Variants in SLC24A2 observed in about 807,000 individuals in gnomAD.
SLC24A2 encodes sodium/potassium/calcium exchanger 2.
Under a neutral mutation model 62.0 loss-of-function variants are expected in SLC24A2, and 36 were observed. The observed-to-expected ratio is 0.58, with a 90% CI of 0.44 to 0.77. The LOEUF (loss-of-function observed/expected upper bound fraction) is 0.77, where lower values mean the gene tolerates loss of function less well. SLC24A2 is among the 30% of genes least tolerant of loss of function. SLC24A2 has a pLI of 0.00. For synonymous variants in SLC24A2, 358 were observed against 294.0 expected, an observed-to-expected ratio of 1.22 and a Z score of -2.23; for missense variants, 846 against 817.9, an observed-to-expected ratio of 1.03 and a Z score of -0.42.
At chr9:20,213,694 T>C in the SLC24A2 span, among the ~76,000 whole-genome samples, 2 of 152,154 alleles carry the variant, frequency 1.3e-5, no homozygotes, top group African/African-American at 4.8e-5. Flanking sequence ...AAGTGAACAA[T>C]ATTCTCAAAA....
the SLC24A2 span, among the ~76,000 whole-genome samples, chr9:20,053,543 T>A: frequency 6.6e-6 from 1 of 152,154 alleles, no homozygotes; most frequent in Non-Finnish European, 1.5e-5. Flanking sequence ...TGAAAATTCA[T>A]ATGTTGAAAC....
At chr9:19,751,386 A>G (rs554641377) in intron 2 of SLC24A2, among the ~76,000 whole-genome samples, 29 of 152,310 alleles carry the variant, frequency 1.9e-4, no homozygotes, top group African/African-American at 7.0e-4. Flanking sequence ...CCTACAAAGT[A>G]GAAGCACCTG....
At chr9:19,539,552 G>C (rs1425014325) in intron 8 of SLC24A2, among the ~76,000 whole-genome samples, 2 of 127,272 alleles carry the variant, frequency 1.6e-5, no homozygotes, top group Non-Finnish European at 3.3e-5. Context: ...TAGTTTGATT[G>C]CACTGTGGTC....
At chr9:20,025,183 A>C in the SLC24A2 span, among the ~76,000 whole-genome samples, 36 of 152,258 alleles carry the variant, frequency 2.4e-4, no homozygotes, top group East Asian at 6.0e-3. Flanking sequence ...TGACTCACTA[A>C]ATTAATTTTA....
chr9:19,850,242 C>T, the SLC24A2 span, among the ~76,000 whole-genome samples: 24 of 152,022 alleles, frequency 1.6e-4, no homozygotes, highest in African/African-American at 5.3e-4. Flanking sequence ...TTATTCAATG[C>T]TCTCATCTTT....
chr9:20,001,899 C>A, the SLC24A2 span, among the ~76,000 whole-genome samples: 5 of 152,228 alleles, frequency 3.3e-5, no homozygotes, highest in African/African-American at 1.2e-4. Flanking sequence ...GATATATTCC[C>A]AGAAAAATGT....
intron 2 of SLC24A2, among the ~76,000 whole-genome samples, chr9:19,631,757 C>T (rs577445536): frequency 3.3e-5 from 5 of 152,216 alleles, no homozygotes; most frequent in African/African-American, 7.2e-5. Context: ...GTATGGTCAG[C>T]GGAAACCATT....
intron 5 of SLC24A2, among the ~76,000 whole-genome samples, chr9:19,579,028 G>A (rs1247488853): frequency 6.6e-6 from 1 of 152,208 alleles, no homozygotes; most frequent in Non-Finnish European, 1.5e-5. Flanking sequence ...CCTAAGGAGT[G>A]AGAAAGAAGG....
chr9:19,736,388 C>T (rs1465702941), intron 2 of SLC24A2, among the ~76,000 whole-genome samples: 2 of 152,096 alleles, frequency 1.3e-5, no homozygotes, highest in African/African-American at 2.4e-5. Flanking sequence ...GCAATCAGTA[C>T]CCAATCACCT....
At chr9:19,672,991 C>G (rs1237699862) in intron 2 of SLC24A2, among the ~76,000 whole-genome samples, 1 of 146,226 alleles carries the variant, frequency 6.8e-6, no homozygotes, top group Non-Finnish European at 1.5e-5. Context: ...ATGTGCTGGT[C>G]AACAGAATGT....
intron 2 of SLC24A2, chr9:19,705,304 G>A (rs1255032876): frequency 6.5e-6 from 1 of 153,190 alleles, no homozygotes; most frequent in East Asian, 1.9e-4. Context: ...TGACTATGAG[G>A]ACTCTCTGGG....
the SLC24A2 span, among the ~76,000 whole-genome samples, chr9:20,082,731 G>C: frequency 2.0e-5 from 3 of 152,228 alleles, no homozygotes; most frequent in Non-Finnish European, 4.4e-5. Context: ...CCCATGGTGG[G>C]GGAGCAAGAG....
At chr9:20,178,658 A>C in the SLC24A2 span, among the ~76,000 whole-genome samples, 1 of 152,284 alleles carries the variant, frequency 6.6e-6, no homozygotes, top group South Asian at 2.1e-4. Context: ...ACTTATGCCC[A>C]GAGGATAAAC....
intron 2 of SLC24A2, among the ~76,000 whole-genome samples, chr9:19,707,284 A>T (rs1238968303): frequency 2.0e-5 from 3 of 152,260 alleles, no homozygotes; most frequent in African/African-American, 7.2e-5. Flanking sequence ...AACCAAAAAA[A>T]GTCCAGGACC....
At chr9:20,232,366 G>A in the SLC24A2 span, among the ~76,000 whole-genome samples, 10 of 152,096 alleles carry the variant, frequency 6.6e-5, no homozygotes, top group Admixed American at 3.3e-4. Flanking sequence ...ATCTGGTCCT[G>A]GAGTTTTTTT....
chr9:20,161,667 C>A, the SLC24A2 span, among the ~76,000 whole-genome samples: 3 of 151,044 alleles, frequency 2.0e-5, no homozygotes, highest in Admixed American at 2.0e-4. Context: ...GACACCCATT[C>A]CTAAAAAAAT....
intron 7 of SLC24A2, among the ~76,000 whole-genome samples, chr9:19,565,715 T>G (rs181980625): frequency 0.055 from 8,314 of 152,096 alleles, 751 homozygotes; most frequent in African/African-American, 0.19. Context: ...CTTCAAACTA[T>G]ACTACAAGGC....
At chr9:20,158,690 A>T in the SLC24A2 span, among the ~76,000 whole-genome samples, 1 of 151,724 alleles carries the variant, frequency 6.6e-6, no homozygotes, top group Non-Finnish European at 1.5e-5. Flanking sequence ...AAGAATAAAA[A>T]ATGAGAAAAG....
chr9:19,921,336 G>A, the SLC24A2 span, among the ~76,000 whole-genome samples: 8 of 151,574 alleles, frequency 5.3e-5, no homozygotes, highest in Non-Finnish European at 1.0e-4. Flanking sequence ...ATCCTGGCTA[G>A]CATGGTAAAA....
Sources: allele counts gnomAD v4.1 joint callset (sites outside exome capture counted in the v4.1 genomes callset), GRCh38; gene constraint gnomAD v4.1.1; transcripts MANE v1.5; gene names NCBI Gene and HGNC (gene_info 2026-07-23, HGNC 2026-07-21).